The following CFAP20DC variants were observed in gnomAD, a reference collection of about 807,000 sequenced individuals.
CFAP20DC encodes protein CFAP20DC.
CFAP20DC carries 84 observed loss-of-function variants against 101.7 expected under a neutral mutation model. The observed-to-expected ratio is 0.83, with a 90% CI of 0.69 to 0.99. The LOEUF (loss-of-function observed/expected upper bound fraction) is 0.99. Ranked by LOEUF, CFAP20DC falls within the 50% of genes least tolerant of loss-of-function variation. The pLI, the probability that CFAP20DC is intolerant of heterozygous loss-of-function variation, is 0.00. For missense variants in CFAP20DC, 1,007 were observed against 970.3 expected, an observed-to-expected ratio of 1.04 and a Z score of -0.50; for synonymous variants, 359 against 351.2, an observed-to-expected ratio of 1.02 and a Z score of -0.25.
intron 14 of CFAP20DC, among the ~76,000 whole-genome samples, chr3:58,831,450 A>G (rs1007445470): frequency 6.6e-6 from 1 of 152,238 alleles, no homozygotes; most frequent in Non-Finnish European, 1.5e-5. Flanking sequence ...TCAATGTGTG[A>G]TTTGATATAT....
rs538639991 is a variant in CFAP20DC, at chr3:58,835,827, G to GT, written c.1972-3939dup. Among the ~76,000 whole-genome samples the GT allele has an allele frequency of 1.7e-4, 26 of 152,270 alleles. No individual in the cohort carries two copies. In the South Asian group the frequency reaches 5.2e-3, roughly 30 times the overall value. On this transcript the variant is annotated intron_variant, in intron 13 of 16. Transcript: ENST00000482387. The stretch of plus-strand genomic sequence containing the variant: ...TATTTTTAAGAAGCTTTGCAATAAA[G>GT]TCTTTGCATTAAAGTGGACTCCAGC...
chr3:58,983,131 G>T (rs562038377), intron 4 of CFAP20DC, among the ~76,000 whole-genome samples: 1 of 152,242 alleles, frequency 6.6e-6, no homozygotes, highest in Admixed American at 6.5e-5. Flanking sequence ...AGCTCAAAAT[G>T]ATAAATCATT....
chr3:58,962,571 G>A (rs934666902), intron 4 of CFAP20DC, among the ~76,000 whole-genome samples: 14 of 152,146 alleles, frequency 9.2e-5, no homozygotes, highest in Non-Finnish European at 1.9e-4. Context: ...GGTCACTGCT[G>A]TGTTAGCATT....
At position 59,007,098 on chromosome 3, in the gene CFAP20DC, G is replaced by A. The variant is rs2093453214; in HGVS notation, c.278+32459C>T. The stretch of plus-strand genomic sequence containing the variant: ...ACCCACTTCCCTGGCAAACTATACT[G>A]CACAGCAGAGGTAGCCATACTTCCC... On this transcript the variant is annotated intron_variant, in intron 4 of 16. Transcript: ENST00000482387. The surrounding 1 kb of genome is among the most constrained non-coding windows in gnomAD (Gnocchi z 4.4). Among the ~76,000 whole-genome samples, 1 of 152,090 alleles carries A rather than the reference G, an allele frequency of 6.6e-6. No homozygotes were observed. The highest frequency in any genetic ancestry group is 1.5e-5 in the Non-Finnish European group (1 of 68,004).
intron 3 of CFAP20DC, among the ~76,000 whole-genome samples, chr3:59,041,758 G>C (rs971027740): frequency 9.2e-5 from 14 of 151,966 alleles, no homozygotes; most frequent in Non-Finnish European, 1.5e-5. Flanking sequence ...TTAGTTATCT[G>C]TTCATCATGG....
intron 6 of CFAP20DC, among the ~76,000 whole-genome samples, chr3:58,908,710 A>G (rs1286937730): frequency 6.6e-6 from 1 of 152,206 alleles, no homozygotes; most frequent in African/African-American, 2.4e-5. Context: ...AATGTTTATA[A>G]CAGTTTTATT....
chr3:58,773,468 A>G lies in CFAP20DC; in HGVS notation c.2238-19605T>C, dbSNP rs77298719. 4.6e-3 allele frequency among the ~76,000 whole-genome samples: 706 copies of G among 151,902 alleles called. 6 individuals are homozygous for G. The highest frequency in any genetic ancestry group is 0.016 in the African/African-American group (667 of 41,426). ...CTACTTGGGGGGCTGAAGTGGGAGG[A>G]CTGCTTGAGCCTGGAGGGTCGAGGC... is the stretch of plus-strand genomic sequence containing the variant. On this transcript the variant is annotated intron_variant, in intron 15 of 16. Coordinates refer to ENST00000482387, the MANE Select transcript of CFAP20DC (RefSeq NM_001394063.1).
intron 4 of CFAP20DC, among the ~76,000 whole-genome samples, chr3:58,963,304 T>C (rs2091303177): frequency 6.6e-6 from 1 of 151,576 alleles, no homozygotes; most frequent in Non-Finnish European, 1.5e-5. Flanking sequence ...ATGGTTATTA[T>C]TGACTATTTT....
intron 14 of CFAP20DC, among the ~76,000 whole-genome samples, chr3:58,817,953 T>C (rs200116170): frequency 0.09 from 13,034 of 144,494 alleles, 972 homozygotes; most frequent in East Asian, 0.29. Flanking sequence ...CGGCAGAAAC[T>C]CTACAAGCCA....
In CFAP20DC at chr3:58,914,442, A is replaced by G. The variant is rs1366841679; in HGVS notation, c.394-578T>C. The stretch of plus-strand genomic sequence containing the variant: ...CTCTTGCAGGGACTAATTTCTGCGC[A>G]TTAAATAATTAGGCCCCTCAATACT... On this transcript the variant is annotated intron_variant, in intron 5 of 16. Transcript: ENST00000482387. The surrounding 1 kb of genome is among the most constrained non-coding windows in gnomAD (Gnocchi z 4.9). 6.6e-6 allele frequency among the ~76,000 whole-genome samples: 1 copy of G among 152,134 alleles called. No homozygotes were observed. Among genetic ancestry groups the G allele is most frequent in the Non-Finnish European group, 1.5e-5 (1 of 68,012 alleles).
intron 7 of CFAP20DC, 93 bp from the exon 8 acceptor site, chr3:58,870,402 A>T: frequency 7.7e-7 from 1 of 1,299,170 alleles, no homozygotes. Context: ...TCCAGGTGCC[A>T]TAGGATCCAA....
intron 4 of CFAP20DC, among the ~76,000 whole-genome samples, chr3:58,982,850 A>T (rs972340507): frequency 5.3e-5 from 8 of 151,980 alleles, no homozygotes; most frequent in Admixed American, 5.2e-4. Flanking sequence ...TAAAAATTAA[A>T]GTATAATAAT....
intron 11 of CFAP20DC, among the ~76,000 whole-genome samples, chr3:58,865,174 T>C (rs1221921037): frequency 6.6e-6 from 1 of 151,832 alleles, no homozygotes; most frequent in East Asian, 1.9e-4. Context: ...ATGGTAATTT[T>C]ACACCTGATT....
At chr3:58,854,437 T>A (rs2078564401) in intron 12 of CFAP20DC, among the ~76,000 whole-genome samples, 1 of 151,404 alleles carries the variant, frequency 6.6e-6, no homozygotes, top group Admixed American at 6.6e-5. Flanking sequence ...TTCAATGCCA[T>A]CCCCATCAAG....
At chr3:58,811,793 C>T (rs577987260) in intron 14 of CFAP20DC, among the ~76,000 whole-genome samples, 12 of 152,034 alleles carry the variant, frequency 7.9e-5, no homozygotes, top group East Asian at 3.9e-4. Context: ...AGAAAATTTT[C>T]GCAACCTGCT....
intron 5 of CFAP20DC, among the ~76,000 whole-genome samples, chr3:58,924,620 G>T (rs917575463): frequency 6.6e-6 from 1 of 152,114 alleles, no homozygotes; most frequent in Admixed American, 6.6e-5. Context: ...CCAAATGGTA[G>T]TTCTATTTTC....
In CFAP20DC at chr3:58,849,148, G is replaced by A. The variant is rs1011330731; in HGVS notation, c.1855C>T (p.Pro619Ser). The change falls in exon 13 of 17, where the codon CCA (proline) becomes TCA (serine). Residue 619 changes from proline to serine, a missense_variant. Transcript: ENST00000482387. Reference sequence around the variant, plus strand: ...TCCTTCGCTTTGATTACGGGCTCTGGAGTTTTCTGACAGGACCCACACCTT... The same window carrying A: ...TCCTTCGCTTTGATTACGGGCTCTGAAGTTTTCTGACAGGACCCACACCTT... Reference protein sequence around the residue: ...GRRCGSCQKTPEPVIKAKDLS... With the variant: ...GRRCGSCQKTSEPVIKAKDLS... 1 of 1,536,010 alleles carries A rather than the reference G, an allele frequency of 6.5e-7. No individual in the cohort carries two copies. Among genetic ancestry groups the A allele is most frequent in the Non-Finnish European group, 8.7e-7 (1 of 1,146,914 alleles).
intron 16 of CFAP20DC, among the ~76,000 whole-genome samples, chr3:58,748,132 C>A (rs1575540211): frequency 6.6e-6 from 1 of 152,102 alleles, no homozygotes; most frequent in African/African-American, 2.4e-5. Flanking sequence ...TCTCTACTTA[C>A]AAATATGCAG....
intron 4 of CFAP20DC, among the ~76,000 whole-genome samples, chr3:58,940,159 C>G (rs1211617654): frequency 6.6e-6 from 1 of 152,184 alleles, no homozygotes; most frequent in African/African-American, 2.4e-5. Flanking sequence ...ACTACAAGAA[C>G]ATTCATTTGT....
Sources: allele counts gnomAD v4.1 joint callset (sites outside exome capture counted in the v4.1 genomes callset), GRCh38; gene constraint gnomAD v4.1.1; non-coding constraint Gnocchi (gnomAD v3.1); transcripts MANE v1.5; gene names NCBI Gene and HGNC (gene_info 2026-07-23, HGNC 2026-07-21).